Variants in BBS9 observed in about 807,000 individuals in gnomAD.
BBS9 encodes Bardet-Biedl syndrome 9.
In BBS9, 89 loss-of-function variants were observed where a neutral mutation model predicts 117.7. The observed-to-expected ratio is 0.76, with a 90% CI of 0.64 to 0.90. BBS9 has a LOEUF of 0.90. BBS9 is among the 40% of genes least tolerant of loss of function. BBS9 has a pLI of 0.00. For synonymous variants in BBS9, 379 were observed against 370.9 expected, an observed-to-expected ratio of 1.02 and a Z score of -0.25; for missense variants, 982 against 1,042.2, an observed-to-expected ratio of 0.94 and a Z score of 0.80.
intron 9 of BBS9, among the ~76,000 whole-genome samples, chr7:33,291,003 A>C (rs1488709775): frequency 6.6e-6 from 1 of 152,162 alleles, no homozygotes; most frequent in African/African-American, 2.4e-5. Flanking sequence ...CCATTTTTGT[A>C]GTTAAAAATT....
chr7:33,269,892 G>A (rs759165893), intron 7 of BBS9, among the ~76,000 whole-genome samples: 18 of 151,954 alleles, frequency 1.2e-4, no homozygotes, highest in Admixed American at 6.5e-4. Context: ...GTGTGGTGGC[G>A]TGTGCCTGTA....
chr7:33,352,275 T>C (rs1005404914), intron 14 of BBS9, among the ~76,000 whole-genome samples: 33 of 152,334 alleles, frequency 2.2e-4, no homozygotes, highest in African/African-American at 6.5e-4. Flanking sequence ...TTTTCAACCA[T>C]TTTTGGCCAT....
chr7:33,608,770 G>A (rs546962514), downstream of BBS9, among the ~76,000 whole-genome samples: 305 of 152,068 alleles, frequency 2.0e-3, no homozygotes, highest in African/African-American at 7.1e-3. Context: ...CCTTTGTTGG[G>A]TGCATAGTTT....
Position 33,388,098 on chromosome 7 carries a change from C to T in BBS9, c.2069C>T (p.Ala690Val), listed in dbSNP as rs1488623911. 1 of 1,614,104 alleles carries T rather than the reference C, an allele frequency of 6.2e-7. No individual in the cohort carries two copies. Among genetic ancestry groups the T allele is most frequent in the Admixed American group, 1.7e-5 (1 of 60,020 alleles). The part of the protein sequence containing the change: ...LLARFKDKTP[A>V]PLQHLDTLLD... Reference sequence around the variant, plus strand: ...GCAAGATTCAAAGATAAAACTCCTGCCCCTCTTCAACACCTGGACACCTTG... The same window carrying T: ...GCAAGATTCAAAGATAAAACTCCTGTCCCTCTTCAACACCTGGACACCTTG... The change falls in exon 19 of 23, where the codon GCC becomes GTC. Residue 690 changes from alanine (A) to valine (V), a missense_variant. Ala to Val is a moderately conservative substitution (Grantham distance 64). Transcript: ENST00000242067.
At chr7:33,592,533 T>G (rs968795225) in intron 21 of BBS9, among the ~76,000 whole-genome samples, 13 of 152,106 alleles carry the variant, frequency 8.5e-5, no homozygotes, top group African/African-American at 3.1e-4. Context: ...ATAGTAGAGT[T>G]GCCTGGGAAT....
chr7:33,586,425 G>A (rs1006845470), intron 21 of BBS9, among the ~76,000 whole-genome samples: 5 of 151,860 alleles, frequency 3.3e-5, no homozygotes, highest in Non-Finnish European at 7.4e-5. Flanking sequence ...AGAGAAAAGG[G>A]AATGCTTATA....
At chr7:33,195,200 T>G (rs1032835225) in intron 5 of BBS9, among the ~76,000 whole-genome samples, 5 of 152,204 alleles carry the variant, frequency 3.3e-5, no homozygotes, top group Admixed American at 3.3e-4. Flanking sequence ...TCTTTCACAG[T>G]CTTTGGCACA....
intron 21 of BBS9, among the ~76,000 whole-genome samples, chr7:33,571,077 G>A (rs988965318): frequency 6.6e-6 from 1 of 152,132 alleles, no homozygotes; most frequent in Non-Finnish European, 1.5e-5. Context: ...CCTGGTTTTG[G>A]TAATTTTACT....
At chr7:33,450,059 C>G (rs1837570085) in intron 19 of BBS9, among the ~76,000 whole-genome samples, 1 of 152,194 alleles carries the variant, frequency 6.6e-6, no homozygotes, top group South Asian at 2.1e-4. Context: ...TGACAACCAC[C>G]ATTCTACTTT....
At chr7:33,325,112 G>A (rs964991004) in intron 9 of BBS9, among the ~76,000 whole-genome samples, 1 of 152,066 alleles carries the variant, frequency 6.6e-6, no homozygotes, top group Non-Finnish European at 1.5e-5. Context: ...ATGCCTTTTA[G>A]ATTTACCTTT....
chr7:33,506,413 G>A (rs1433238645), intron 20 of BBS9, among the ~76,000 whole-genome samples: 1 of 152,102 alleles, frequency 6.6e-6, no homozygotes, highest in East Asian at 1.9e-4. Context: ...TTAAAACCTA[G>A]ATTTGAGAAC....
intron 19 of BBS9, among the ~76,000 whole-genome samples, chr7:33,451,098 C>A (rs536114400): frequency 1.1e-4 from 16 of 152,146 alleles, no homozygotes; most frequent in South Asian, 2.1e-4. Context: ...TCATGTTAGC[C>A]AGGATGGTCT....
intron 19 of BBS9, among the ~76,000 whole-genome samples, chr7:33,501,948 G>A (rs1038429701): frequency 6.6e-6 from 1 of 151,400 alleles, no homozygotes; most frequent in Non-Finnish European, 1.5e-5. Context: ...GTCTCACTCT[G>A]TCACCAGGCT....
At chr7:33,201,259 CCTAATCTGGA>C (rs1318040336) in intron 5 of BBS9, among the ~76,000 whole-genome samples, 1 of 151,986 alleles carries the variant, frequency 6.6e-6, no homozygotes, top group African/African-American at 2.4e-5. Context: ...CTGGTGTCCC[CCTAATCTGGA>C]GTTCCTTGTT....
At chr7:33,547,418 G>A (rs563007649) in intron 21 of BBS9, among the ~76,000 whole-genome samples, 2 of 152,254 alleles carry the variant, frequency 1.3e-5, no homozygotes, top group African/African-American at 4.8e-5. Flanking sequence ...GTATTAAATG[G>A]AAAACTTTTG....
intron 5 of BBS9, among the ~76,000 whole-genome samples, chr7:33,183,317 GA>G (rs909970927): frequency 6.6e-6 from 1 of 151,536 alleles, no homozygotes; most frequent in Non-Finnish European, 1.5e-5. Flanking sequence ...ACAAAATGGA[GA>G]AAATTCAGTT....
intron 5 of BBS9, among the ~76,000 whole-genome samples, chr7:33,249,092 C>A (rs1795823066): frequency 6.6e-6 from 1 of 151,882 alleles, no homozygotes; most frequent in South Asian, 2.1e-4. Flanking sequence ...GTATATATTC[C>A]ACAGGAAGAG....
chr7:33,135,067 A>G (rs1476326256), intron 1 of BBS9, among the ~76,000 whole-genome samples: 1 of 151,976 alleles, frequency 6.6e-6, no homozygotes, highest in African/African-American at 2.4e-5. Context: ...TAATTTTTAT[A>G]TTTTTTGTAG....
chr7:33,526,023 G>A (rs1849437618), intron 20 of BBS9, among the ~76,000 whole-genome samples: 1 of 151,688 alleles, frequency 6.6e-6, no homozygotes, highest in Admixed American at 6.6e-5. Context: ...AGTGTGGCTG[G>A]ATATGAAATT....
Sources: gnomAD v4.1 joint callset for allele counts (sites outside exome capture counted in the v4.1 genomes callset) on GRCh38, gnomAD v4.1.1 for gene constraint, MANE v1.5 for transcripts, NCBI Gene and HGNC (gene_info 2026-07-23, HGNC 2026-07-21) for gene names.